Variants in CDH4 observed in about 807,000 individuals in gnomAD.
CDH4 encodes the protein cadherin 4.
In CDH4, 33 loss-of-function variants were observed where a neutral mutation model predicts 86.0. The observed-to-expected ratio is 0.38, with a 90% CI of 0.29 to 0.51. The LOEUF is 0.51. Among genes scored for constraint, CDH4 ranks in the 20% least tolerant of loss-of-function variants. The probability of loss-of-function intolerance (pLI) is 0.86; values close to 1 mark genes in which losing one functional copy is unlikely to be tolerated. For synonymous variants in CDH4, 555 were observed against 549.4 expected (o/e 1.01, Z -0.14); for missense variants, 1,114 against 1,307.4 (o/e 0.85, Z 2.28).
At chr20:61,316,729 A>G (rs1600860039) in intron 2 of CDH4, among the ~76,000 whole-genome samples, 2 of 152,194 alleles carry the variant, frequency 1.3e-5, no homozygotes, top group Admixed American at 1.3e-4. Flanking sequence ...GTGAAGTTGG[A>G]CTTTGCTGTC....
At chr20:61,901,783 G>T (rs2054729761) in intron 8 of CDH4, among the ~76,000 whole-genome samples, 1 of 152,236 alleles carries the variant, frequency 6.6e-6, no homozygotes, top group South Asian at 2.1e-4. Context: ...CATGGGGTTG[G>T]GGTGACAAGG....
Position 61,776,552 on chromosome 20 carries a change from G to A in CDH4, c.576+3370G>A, listed in dbSNP as rs190863195. Among the ~76,000 whole-genome samples the A allele has an allele frequency of 8.5e-5, 13 of 152,340 alleles. No homozygotes were observed. In the East Asian group the frequency reaches 2.5e-3, roughly 29 times the overall value. ...CTCATATCCCCTGACTCGTCCAGCA[G>A]CCCCTGCAGGCAGGGTCACCTCCAT... On this transcript the variant is annotated intron_variant, in intron 4 of 15. Transcript: ENST00000614565.
intron 2 of CDH4, among the ~76,000 whole-genome samples, chr20:61,533,342 C>T (rs576705487): frequency 2.0e-5 from 3 of 152,338 alleles, no homozygotes; most frequent in Admixed American, 6.5e-5. Flanking sequence ...CCGCCAACTC[C>T]GAGCCTGCAG....
intron 4 of CDH4, among the ~76,000 whole-genome samples, chr20:61,827,298 A>G (rs1981370815): frequency 6.6e-6 from 1 of 152,236 alleles, no homozygotes; most frequent in African/African-American, 2.4e-5. Context: ...TTAAGACGTG[A>G]TAATTTTACT....
At chr20:61,875,065 C>T (rs764967997) in intron 7 of CDH4, among the ~76,000 whole-genome samples, 7 of 152,170 alleles carry the variant, frequency 4.6e-5, no homozygotes, top group South Asian at 2.1e-4. Flanking sequence ...CTTTTGGGGC[C>T]GGGACTGGCA....
intron 2 of CDH4, among the ~76,000 whole-genome samples, chr20:61,546,889 A>G (rs1046493811): frequency 6.6e-6 from 1 of 152,082 alleles, no homozygotes; most frequent in Non-Finnish European, 1.5e-5. Context: ...TGCACGGGAG[A>G]CAGGCAGGTA....
At position 61,516,645 on chromosome 20, in the gene CDH4, C is replaced by G. The variant is rs1224237065; in HGVS notation, c.170-226918C>G. Among the ~76,000 whole-genome samples, 1 of 152,204 alleles carries G rather than the reference C, an allele frequency of 6.6e-6. No individual in the cohort carries two copies. Among genetic ancestry groups the G allele is most frequent in the African/African-American group, 2.4e-5 (1 of 41,462 alleles). ...GCTGAGCTATTTTAAAGCAAAGTAT[C>G]AGACCCTCAGAGAGGCCGGATTGAT... On this transcript the variant is annotated intron_variant, in intron 2 of 15. Coordinates refer to ENST00000614565, the MANE Select transcript of CDH4 (RefSeq NM_001794.5). This position sits in a 1 kb window ranked among gnomAD's most constrained non-coding sequence, Gnocchi z 4.0.
chr20:61,268,199 T>A (rs1177365336), intron 2 of CDH4, among the ~76,000 whole-genome samples: 1 of 152,198 alleles, frequency 6.6e-6, no homozygotes, highest in Non-Finnish European at 1.5e-5. Flanking sequence ...GGGGGTGGCA[T>A]GTAGCTGGAT....
chr20:61,673,153 G>A (rs542235756), intron 2 of CDH4, among the ~76,000 whole-genome samples: 45 of 152,270 alleles, frequency 3.0e-4, no homozygotes, highest in African/African-American at 5.1e-4. Flanking sequence ...CAGAGAGAAC[G>A]CAGCCCTGCC....
intron 2 of CDH4, among the ~76,000 whole-genome samples, chr20:61,479,240 G>T (rs1242012171): frequency 4.0e-5 from 6 of 151,856 alleles, no homozygotes. Context: ...TAGGGTACAT[G>T]TGCACAACAT....
rs1018355728 is a variant in CDH4, at chr20:61,510,465, G to A, written c.170-233098G>A. Among the ~76,000 whole-genome samples the A allele has an allele frequency of 2.0e-5, 3 of 152,284 alleles. No individual in the cohort carries two copies. Among genetic ancestry groups the A allele is most frequent in the African/African-American group, 4.8e-5 (2 of 41,560 alleles). ...GGATACGTTTACTATCGGAATGCCC[G>A]CATGCCTGCTGGGCTGATGGCATCC... On this transcript the variant is annotated intron_variant, in intron 2 of 15. Coordinates refer to ENST00000614565, the MANE Select transcript of CDH4 (RefSeq NM_001794.5). This position sits in a 1 kb window ranked among gnomAD's most constrained non-coding sequence, Gnocchi z 4.2.
intron 2 of CDH4, among the ~76,000 whole-genome samples, chr20:61,606,180 A>G (rs759753673): frequency 1.3e-5 from 2 of 152,190 alleles, no homozygotes; most frequent in East Asian, 1.9e-4. Context: ...CTGTGGCTCA[A>G]TGTCCACGCA....
intron 2 of CDH4, among the ~76,000 whole-genome samples, chr20:61,326,956 A>C: frequency 6.6e-6 from 1 of 152,220 alleles, no homozygotes; most frequent in East Asian, 1.9e-4. Flanking sequence ...GTCATCTACA[A>C]ACAACCTGCT....
At chr20:61,320,137 T>C (rs754631976) in intron 2 of CDH4, among the ~76,000 whole-genome samples, 1 of 152,226 alleles carries the variant, frequency 6.6e-6, no homozygotes, top group African/African-American at 2.4e-5. Context: ...GTTCCCTCTC[T>C]GCATTTATTT....
intron 3 of CDH4, among the ~76,000 whole-genome samples, chr20:61,763,927 TC>T (rs2088668751): frequency 6.6e-6 from 1 of 152,180 alleles, no homozygotes; most frequent in South Asian, 2.1e-4. Context: ...TTTTTCTTTT[TC>T]AAAAAAACAG....
chr20:61,722,622 A>G (rs908560037), intron 2 of CDH4, among the ~76,000 whole-genome samples: 31 of 151,272 alleles, frequency 2.0e-4, no homozygotes, highest in African/African-American at 6.6e-4. Context: ...TCTGCAGGGC[A>G]GGGCGCCCCC....
chr20:61,388,574 T>G (rs1480483018), intron 2 of CDH4, among the ~76,000 whole-genome samples: 3 of 152,200 alleles, frequency 2.0e-5, no homozygotes. Context: ...CCGTGAGTGT[T>G]GCCTGTGACA....
intron 2 of CDH4, among the ~76,000 whole-genome samples, chr20:61,555,417 G>A (rs539636061): frequency 2.6e-5 from 4 of 152,266 alleles, no homozygotes; most frequent in African/African-American, 7.2e-5. Flanking sequence ...GTAACCTTTC[G>A]CAGGATGTGC....
At chr20:61,611,634 C>A (rs2086686046) in intron 2 of CDH4, among the ~76,000 whole-genome samples, 1 of 152,114 alleles carries the variant, frequency 6.6e-6, no homozygotes, top group South Asian at 2.1e-4. Context: ...GTCACAAGAG[C>A]TTTTCTGCCA....
Sources: allele counts gnomAD v4.1 joint callset (sites outside exome capture counted in the v4.1 genomes callset), GRCh38; gene constraint gnomAD v4.1.1; non-coding constraint Gnocchi (gnomAD v3.1); transcripts MANE v1.5; gene names NCBI Gene and HGNC (gene_info 2026-07-23, HGNC 2026-07-21).